WDR37: variants seen among roughly 807,000 people sequenced by gnomAD.
WDR37 encodes the protein WD repeat domain 37, also known as WD repeat-containing protein 37.
Under a neutral mutation model 62.9 loss-of-function variants are expected in WDR37, and 19 were observed. The observed-to-expected ratio is 0.30, with a 90% confidence interval of 0.21 to 0.44. The LOEUF is 0.44. Ranked by LOEUF, WDR37 falls within the 20% of genes least tolerant of loss-of-function variation. The pLI is 1.00. For synonymous variants in WDR37, 250 were observed against 260.9 expected (o/e 0.96, Z 0.40); for missense variants, 474 against 657.6 (o/e 0.72, Z 3.05).
In WDR37 at chr10:1,132,241, G is replaced by A. The variant is rs1339924178; in HGVS notation, c.*2897G>A. 1 of 152,150 alleles carries A rather than the reference G, an allele frequency of 6.6e-6. No individual in the cohort carries two copies. Among genetic ancestry groups the A allele is most frequent in the Non-Finnish European group, 1.5e-5 (1 of 68,024 alleles). 9.4% of individuals were successfully genotyped at this position (152,150 alleles called of 1,614,324 possible). A position where few individuals can be genotyped will look rare whatever the true frequency, so the allele number is the denominator to read the frequency against. On this transcript the variant is annotated 3_prime_UTR_variant, in exon 14 of 14. Transcript: ENST00000263150. ...TTTGCTTTGGTGAAACATTGTGAAT[G>A]ACTATATAAACATCACGATGAGCTA... is the stretch of plus-strand genomic sequence containing the variant.
In WDR37 at chr10:1,086,316, C is replaced by A; in HGVS notation, c.563C>A (p.Thr188Lys). ...ACGGCTTTGCTGTGGAGCATAGAGA[C>A]AGGGAAGTGCCTAGTCAAGTACGCA... ...DHTALLWSIE[T>K]GKCLVKYAGH... Residue 188 changes from threonine (T) to lysine (K), a missense_variant, in exon 7 of 14, where the codon ACA (threonine) becomes AAA (lysine). Physicochemically the swap from Thr to Lys is moderately conservative, Grantham distance 78 (BLOSUM62 -1). Coordinates refer to ENST00000263150, the MANE Select transcript of WDR37 (RefSeq NM_014023.4). The A allele has an allele frequency of 1.2e-6, 2 of 1,614,128 alleles. No homozygotes were observed. The highest frequency in any genetic ancestry group is 1.7e-6 in the Non-Finnish European group (2 of 1,179,996).
In WDR37 at chr10:1,096,241, A is replaced by C; in HGVS notation, c.721A>C (p.Thr241Pro). 6.2e-7 allele frequency: 1 copy of C among 1,614,146 alleles called. No individual in the cohort carries two copies. Among genetic ancestry groups the C allele is most frequent in the Non-Finnish European group, 8.5e-7 (1 of 1,180,004 alleles). The change falls in exon 9 of 14, where the codon ACT becomes CCT. Residue 241 changes from threonine to proline, a missense_variant. Transcript: ENST00000263150. ...QLPTPQPVAD[T>P]SISGEDEVEC... is the part of the protein sequence containing the mutation. ...GCCGACACCCCAGCCTGTTGCTGAC[A>C]CTAGTGTAAGCACCTTTCCTTACCT...
At chr10:1,077,394 C>T (rs574638017) in intron 2 of WDR37, among the ~76,000 whole-genome samples, 27 of 152,112 alleles carry the variant, frequency 1.8e-4, no homozygotes, top group African/African-American at 6.5e-4. Flanking sequence ...TTCTTTTTTT[C>T]CTCTTCACAA....
intron 11 of WDR37, among the ~76,000 whole-genome samples, chr10:1,108,005 A>G: frequency 6.6e-6 from 1 of 152,228 alleles, no homozygotes; most frequent in Non-Finnish European, 1.5e-5. Context: ...CTGTCTCTGT[A>G]GATGTGTACA....
intron 9 of WDR37, among the ~76,000 whole-genome samples, chr10:1,100,774 T>C (rs981580489): frequency 2.6e-5 from 4 of 152,212 alleles, no homozygotes; most frequent in African/African-American, 9.6e-5. Context: ...CTCTTTGCTG[T>C]GCTCCCTCCA....
intron 8 of WDR37, 29 bp downstream of exon 8, chr10:1,093,525 A>G (rs199775518): frequency 9.0e-6 from 14 of 1,563,710 alleles, no homozygotes; most frequent in East Asian, 6.7e-5. Context: ...TTATTGAACA[A>G]AATGATAGAT....
intron 1 of WDR37, among the ~76,000 whole-genome samples, chr10:1,069,389 A>ATATATATATATATTT: frequency 2.2e-4 from 21 of 95,776 alleles, no homozygotes; most frequent in African/African-American, 6.1e-4. Flanking sequence ...ATATATATAT[A>ATATATATATATATTT]TTTTTTTTTT....
intron 8 of WDR37, among the ~76,000 whole-genome samples, chr10:1,095,766 C>T (rs902427240): frequency 1.1e-4 from 16 of 152,256 alleles, no homozygotes; most frequent in African/African-American, 3.6e-4. Context: ...TGAAAGGCCG[C>T]GTGTGTGTTG....
At chr10:1,064,311 C>T (rs1449115653) in intron 1 of WDR37, among the ~76,000 whole-genome samples, 2 of 151,886 alleles carry the variant, frequency 1.3e-5, no homozygotes, top group East Asian at 1.9e-4. Context: ...GCCCGTGGGA[C>T]TTTAACAGAA....
intron 11 of WDR37, among the ~76,000 whole-genome samples, chr10:1,108,739 G>GCCC (rs3055726): frequency 1.8e-5 from 2 of 111,910 alleles, no homozygotes; most frequent in African/African-American, 8.2e-5. Flanking sequence ...CTTCTGTGAT[G>GCCC]CCCCCCCCCC....
intron 3 of WDR37, among the ~76,000 whole-genome samples, chr10:1,078,736 A>G (rs987813474): frequency 1.3e-5 from 2 of 152,240 alleles, no homozygotes; most frequent in Admixed American, 6.5e-5. Context: ...GCTGGTCTCA[A>G]ACCCCTGGGC....
intron 11 of WDR37, among the ~76,000 whole-genome samples, chr10:1,114,268 C>G (rs779888208): frequency 6.6e-6 from 1 of 152,168 alleles, no homozygotes; most frequent in Non-Finnish European, 1.5e-5. Context: ...CAGTAAAATG[C>G]TTTTAAACAG....
At chr10:1,123,542 C>CT (rs1161838436) in intron 11 of WDR37, among the ~76,000 whole-genome samples, 4 of 152,140 alleles carry the variant, frequency 2.6e-5, no homozygotes, top group Non-Finnish European at 2.9e-5. Flanking sequence ...GTTAGAGTTT[C>CT]TTTTTTTACG....
At chr10:1,082,430 A>G (rs1834056555) in intron 5 of WDR37, among the ~76,000 whole-genome samples, 1 of 152,236 alleles carries the variant, frequency 6.6e-6, no homozygotes, top group African/African-American at 2.4e-5. Flanking sequence ...AGAAACTTAT[A>G]AAAATCAGAA....
intron 8 of WDR37, among the ~76,000 whole-genome samples, chr10:1,094,565 A>G (rs1474647158): frequency 1.3e-5 from 2 of 152,210 alleles, no homozygotes; most frequent in Non-Finnish European, 2.9e-5. Context: ...GATGAAGACT[A>G]AAGCAGACAA....
intron 1 of WDR37, among the ~76,000 whole-genome samples, chr10:1,064,323 A>G (rs1004141269): frequency 2.6e-5 from 4 of 152,128 alleles, no homozygotes; most frequent in African/African-American, 9.7e-5. Flanking sequence ...TTAACAGAAG[A>G]TGCAACATCT....
chr10:1,080,302 C>T (rs941684004), intron 4 of WDR37, 110 bp from the exon 5 acceptor site: 55 of 1,434,060 alleles, frequency 3.8e-5, no homozygotes, highest in African/African-American at 3.0e-4. Context: ...TAGGGTCAAA[C>T]GAGCCTTTCT....
At chr10:1,093,549 CTA>C in intron 8 of WDR37, 53 bp downstream of exon 8, 2 of 1,388,304 alleles carry the variant, frequency 1.4e-6, no homozygotes, top group Middle Eastern at 1.8e-4. Context: ...CTTAAAACAA[CTA>C]TAAATATTCC....
chr10:1,074,043 C>T (rs370719947), intron 2 of WDR37, among the ~76,000 whole-genome samples: 9 of 152,216 alleles, frequency 5.9e-5, no homozygotes, highest in African/African-American at 1.9e-4. Context: ...CCACCAGTCA[C>T]GTGGCTGCTG....
Sources: gnomAD v4.1 joint callset for allele counts (sites outside exome capture counted in the v4.1 genomes callset) on GRCh38, gnomAD v4.1.1 for gene constraint, MANE v1.5 for transcripts, NCBI Gene and HGNC (gene_info 2026-07-23, HGNC 2026-07-21) for gene names.